Variants in MEAK7 observed in about 807,000 individuals in gnomAD.
MEAK7 encodes the protein MTOR-associated protein MEAK7.
MEAK7 carries 68 observed loss-of-function variants against 40.5 expected under a neutral mutation model. That is an observed-to-expected ratio of 1.68 (90% CI 1.38 to 2.06). MEAK7 has a LOEUF of 2.06. Among genes scored for constraint, MEAK7 ranks in the 30% most tolerant of loss-of-function variants. The probability of loss-of-function intolerance (pLI) is 0.00; values close to 1 mark genes in which losing one functional copy is unlikely to be tolerated. For synonymous variants in MEAK7, 338 were observed against 231.9 expected (o/e 1.46, Z -4.16); for missense variants, 918 against 580.5 (o/e 1.58, Z -5.98).
chr16:84,490,280 G>GAAAA (rs57264146), intron 3 of MEAK7, among the ~76,000 whole-genome samples: 1 of 141,164 alleles, frequency 7.1e-6, no homozygotes, highest in Non-Finnish European at 1.5e-5. Flanking sequence ...ATAGCTGGGG[G>GAAAA]AAAAAAAAAA....
intron 3 of MEAK7, chr16:84,494,629 T>C (rs62050761): frequency 0.37 from 124,223 of 337,200 alleles, 26,147 homozygotes; most frequent in Non-Finnish European, 0.47. Context: ...TTTCCAGTGT[T>C]GTCTTCCCTT....
intron 3 of MEAK7, among the ~76,000 whole-genome samples, chr16:84,492,062 G>C (rs1597951758): frequency 1.3e-5 from 2 of 152,072 alleles, no homozygotes. Context: ...ATCAAACTGT[G>C]TTCACGAGAC....
intron 1 of MEAK7, among the ~76,000 whole-genome samples, 188 bp from the exon 2 acceptor site, chr16:84,498,299 C>T (rs1914223173): frequency 6.6e-6 from 1 of 152,150 alleles, no homozygotes; most frequent in Non-Finnish European, 1.5e-5. Flanking sequence ...GGTGGGATCT[C>T]ACTCTGCTGA....
intron 3 of MEAK7, chr16:84,494,928 G>C (rs1339469481): frequency 2.4e-6 from 1 of 417,408 alleles, no homozygotes; most frequent in Non-Finnish European, 4.7e-6. Context: ...GCAAGAAACT[G>C]CCTTTCCCTT....
At chr16:84,480,844 G>C in intron 6 of MEAK7, 136 bp from the exon 7 acceptor site, 2 of 959,532 alleles carry the variant, frequency 2.1e-6, no homozygotes, top group Non-Finnish European at 1.5e-6. Context: ...CCATCATCTT[G>C]TTTTCCTTAA....
chr16:84,480,769 A>C, intron 6 of MEAK7, 61 bp from the exon 7 acceptor site: 1 of 1,515,530 alleles, frequency 6.6e-7, no homozygotes, highest in Non-Finnish European at 8.9e-7. Flanking sequence ...GTGGACATCA[A>C]ATACCACAAG....
At chr16:84,490,758 T>A (rs763700775) in intron 3 of MEAK7, among the ~76,000 whole-genome samples, 1 of 149,974 alleles carries the variant, frequency 6.7e-6, no homozygotes, top group Non-Finnish European at 1.5e-5. Context: ...AAAAGAAGAT[T>A]TATTTCCTTC....
At chr16:84,488,036 A>G (rs933999510) in intron 4 of MEAK7, 2 of 152,194 alleles carry the variant, frequency 1.3e-5, no homozygotes, top group African/African-American at 4.8e-5. Flanking sequence ...AGGAAATGTA[A>G]AAGTACTCCC....
At chr16:84,501,271 C>T (rs936614757) in intron 1 of MEAK7, among the ~76,000 whole-genome samples, 3 of 152,030 alleles carry the variant, frequency 2.0e-5, no homozygotes, top group South Asian at 2.1e-4. Flanking sequence ...GGGAACAGCA[C>T]GCACGGGGCA....
rs182521066 is a variant in MEAK7, at chr16:84,492,424, G to A, written c.385-3002C>T. Reference sequence around the variant, plus strand: ...AGTGGCCTCATACTGTCTTTATTAGGGCTTATTGTTTGGGAAATTAAGTCT... The same window carrying A: ...AGTGGCCTCATACTGTCTTTATTAGAGCTTATTGTTTGGGAAATTAAGTCT... On this transcript the variant is annotated intron_variant, in intron 3 of 7. Transcript: ENST00000343629. 1.9e-3 allele frequency among the ~76,000 whole-genome samples: 293 copies of A among 151,756 alleles called. 2 individuals carry two copies. Among genetic ancestry groups the A allele is most frequent in the Non-Finnish European group, 3.1e-3 (209 of 67,946 alleles).
rs1371248283 is a variant in MEAK7, at chr16:84,492,539, T to C, written c.385-3117A>G. On this transcript the variant is annotated intron_variant, in intron 3 of 7. Coordinates refer to ENST00000343629, the MANE Select transcript of MEAK7 (RefSeq NM_020947.4). The stretch of plus-strand genomic sequence containing the variant: ...AAATGACTTATTTTACAATGACCTG[T>C]GATCTTATTTTGTGATATCAAGTGT... Among the ~76,000 whole-genome samples the C allele has an allele frequency of 2.0e-5, 3 of 147,906 alleles. No homozygotes were observed. In the East Asian group the frequency reaches 5.9e-4, roughly 29 times the overall value.
intron 2 of MEAK7, chr16:84,496,969 G>A (rs962746406): frequency 1.9e-5 from 3 of 161,126 alleles, no homozygotes; most frequent in Non-Finnish European, 4.1e-5. Context: ...AAATATACCA[G>A]CTTTTACTTC....
At chr16:84,485,427 T>C (rs1050000299) in intron 5 of MEAK7, among the ~76,000 whole-genome samples, 1 of 152,112 alleles carries the variant, frequency 6.6e-6, no homozygotes, top group African/African-American at 2.4e-5. Flanking sequence ...TGCTGAAAGC[T>C]CTCCTGCAAG....
At chr16:84,485,437 G>C (rs535758133) in intron 5 of MEAK7, among the ~76,000 whole-genome samples, 22 of 152,298 alleles carry the variant, frequency 1.4e-4, no homozygotes, top group Middle Eastern at 3.4e-3. Flanking sequence ...TCTCCTGCAA[G>C]GGCAACTCCA....
intron 1 of MEAK7, among the ~76,000 whole-genome samples, chr16:84,501,095 A>G (rs11643691): frequency 3.4e-5 from 4 of 118,830 alleles, no homozygotes; most frequent in Non-Finnish European, 1.7e-5. Flanking sequence ...ACTCGTCTCA[A>G]AAAAAAAAAG....
intron 2 of MEAK7, among the ~76,000 whole-genome samples, chr16:84,496,381 C>G (rs917129744): frequency 2.6e-5 from 4 of 152,172 alleles, no homozygotes; most frequent in Admixed American, 2.6e-4. Context: ...TGGTGTCCAC[C>G]GCACTTGAGG....
At chr16:84,483,086 T>G (rs1912721747) in intron 5 of MEAK7, among the ~76,000 whole-genome samples, 1 of 152,172 alleles carries the variant, frequency 6.6e-6, no homozygotes, top group South Asian at 2.1e-4. Context: ...GACTGAGGCC[T>G]CCAGCACAGC....
chr16:84,480,159 T>A, intron 7 of MEAK7, 133 bp from the exon 8 acceptor site: 1 of 692,860 alleles, frequency 1.4e-6, no homozygotes, highest in South Asian at 2.2e-5. Context: ...ACTCTGGGAT[T>A]CAGTGGCTGG....
At chr16:84,502,076 G>A (rs145653914) in intron 1 of MEAK7, among the ~76,000 whole-genome samples, 3 of 152,192 alleles carry the variant, frequency 2.0e-5, no homozygotes, top group East Asian at 3.9e-4. Context: ...CCCAGGGGGC[G>A]GAGGTTGCAA....
Sources: gnomAD v4.1 joint callset for allele counts (sites outside exome capture counted in the v4.1 genomes callset) on GRCh38, gnomAD v4.1.1 for gene constraint, MANE v1.5 for transcripts, NCBI Gene and HGNC (gene_info 2026-07-23, HGNC 2026-07-21) for gene names.